ERG: variants seen among roughly 807,000 people sequenced by gnomAD.
ERG encodes ETS transcription factor ERG.
Under a neutral mutation model 55.3 loss-of-function variants are expected in ERG, and 9 were observed. The observed-to-expected ratio is 0.16, with a 90% CI of 0.10 to 0.28. The LOEUF (loss-of-function observed/expected upper bound fraction) is 0.28. Ranked by LOEUF, ERG falls within the 10% of genes least tolerant of loss-of-function variation. The probability of loss-of-function intolerance (pLI) is 1.00; values close to 1 mark genes in which losing one functional copy is unlikely to be tolerated. For synonymous variants in ERG, 223 were observed against 237.3 expected (o/e 0.94, Z 0.55); for missense variants, 434 against 631.6 (o/e 0.69, Z 3.35).
At chr21:38,586,964 A>G (rs1365442244), upstream of ERG, among the ~76,000 whole-genome samples, 4 of 152,252 alleles carry the variant, frequency 2.6e-5, no homozygotes, top group African/African-American at 9.6e-5. Context: ...AGCATTTAGA[A>G]GAGAAATCCT....
chr21:38,438,857 C>A (rs996312801), intron 2 of ERG, among the ~76,000 whole-genome samples: 1 of 152,296 alleles, frequency 6.6e-6, no homozygotes, highest in East Asian at 1.9e-4. Context: ...TACCAGGCAT[C>A]GGAATCCCGC....
intron 2 of ERG, among the ~76,000 whole-genome samples, chr21:38,573,734 G>A (rs200931724): frequency 6.6e-5 from 10 of 152,148 alleles, no homozygotes; most frequent in South Asian, 2.1e-4. Flanking sequence ...GGCCGGTGCC[G>A]GTGCAGGTCC....
At chr21:38,593,710 T>C (rs2060114949) in intron 1 of ERG, among the ~76,000 whole-genome samples, 3 of 152,198 alleles carry the variant, frequency 2.0e-5, no homozygotes, top group Admixed American at 1.3e-4. Flanking sequence ...TAATATCATA[T>C]TAGCATCTCA....
intron 2 of ERG, among the ~76,000 whole-genome samples, chr21:38,556,171 T>C (rs1483336832): frequency 6.6e-6 from 1 of 152,138 alleles, no homozygotes; most frequent in African/African-American, 2.4e-5. Context: ...TTTGGGATGA[T>C]AAAAGGGCAG....
In ERG at chr21:38,423,084, AGTGTGTGTGTGT is replaced by A. The variant is rs71184624; in HGVS notation, c.388+314_388+325del. ...TTTCTCTCTGTCTCTCTCCATACGTAGTGTGTGTGTGTGTGTGTGTGTGTGTGTGTGTGTGTG... is the reference window on the plus strand; with the variant it reads ...TTTCTCTCTGTCTCTCTCCATACGTAGTGTGTGTGTGTGTGTGTGTGTGTG... On this transcript the variant is annotated intron_variant, in intron 3 of 9. Coordinates refer to ENST00000288319, the MANE Select transcript of ERG (RefSeq NM_182918.4). Among the ~76,000 whole-genome samples, 818 of 144,444 alleles carry A rather than the reference AGTGTGTGTGTGT, an allele frequency of 5.7e-3. 10 individuals carry two copies. The highest frequency in any genetic ancestry group is 0.019 in the African/African-American group (745 of 39,042). The allele number at this position is 144,444 out of a possible 152,430, so 94.8% of individuals were successfully genotyped here.
At chr21:38,597,678 C>A in intron 1 of ERG, among the ~76,000 whole-genome samples, 1 of 152,138 alleles carries the variant, frequency 6.6e-6, no homozygotes. Context: ...CCAAAGAGGG[C>A]TGACAGCTGA....
chr21:38,375,664 G>A (rs1297390206), downstream of ERG, among the ~76,000 whole-genome samples: 1 of 152,188 alleles, frequency 6.6e-6, no homozygotes, highest in African/African-American at 2.4e-5. Flanking sequence ...ATCACAACCT[G>A]TAAACAGACC....
chr21:38,530,042 G>A (rs756166801), intron 2 of ERG, among the ~76,000 whole-genome samples: 29 of 152,202 alleles, frequency 1.9e-4, no homozygotes, highest in Non-Finnish European at 2.2e-4. Flanking sequence ...CAGAAGACAC[G>A]AGGACTTTTG....
chr21:38,382,910 G>T lies in ERG; in HGVS notation c.*493C>A. The T allele has an allele frequency of 1.9e-6, 2 of 1,066,606 alleles. No homozygotes were observed. The highest frequency in any genetic ancestry group is 9.1e-5 in the South Asian group (2 of 21,980). The allele number at this position is 1,066,606 out of a possible 1,614,324, so 66.1% of individuals were successfully genotyped here. A position where few individuals can be genotyped will look rare whatever the true frequency, so the allele number is the denominator to read the frequency against. On this transcript the variant is annotated 3_prime_UTR_variant, in exon 10 of 10. Transcript: ENST00000288319. Reference sequence around the variant, plus strand: ...GTTGCATATCAACGTCTGTTGATGGGCCACAGTCTCTCTCGTGTCTTTTCT... The same window carrying T: ...GTTGCATATCAACGTCTGTTGATGGTCCACAGTCTCTCTCGTGTCTTTTCT...
intron 3 of ERG, among the ~76,000 whole-genome samples, chr21:38,421,344 G>C (rs550873270): frequency 5.0e-4 from 76 of 152,274 alleles, no homozygotes; most frequent in African/African-American, 1.7e-3. Flanking sequence ...CAACCCCAAA[G>C]GATGGTCCCT....
chr21:38,594,242 A>C (rs761251522), intron 1 of ERG, among the ~76,000 whole-genome samples: 1 of 152,182 alleles, frequency 6.6e-6, no homozygotes, highest in African/African-American at 2.4e-5. Context: ...AGATCACCTC[A>C]TTTGTACTGG....
At chr21:38,610,526 C>CGCGTGTGTGT (rs924177456) in intron 1 of ERG, among the ~76,000 whole-genome samples, 17 of 150,384 alleles carry the variant, frequency 1.1e-4, no homozygotes, top group African/African-American at 3.4e-4. Context: ...CGCGCACGCG[C>CGCGTGTGTGT]GTGTGTGTGT....
intron 1 of ERG, among the ~76,000 whole-genome samples, chr21:38,601,983 G>A (rs2060167087): frequency 6.6e-6 from 1 of 151,982 alleles, no homozygotes; most frequent in Non-Finnish European, 1.5e-5. Context: ...CCAGATTCAA[G>A]CAATCCTTAA....
At position 38,448,130 on chromosome 21, in the gene ERG, T is replaced by C. The variant is rs184037761; in HGVS notation, c.19-2509A>G. Among the ~76,000 whole-genome samples, 3 of 152,244 alleles carry C rather than the reference T, an allele frequency of 2.0e-5. No homozygotes were observed. The East Asian group carries it at 5.8e-4, about 29-fold the overall frequency. The stretch of plus-strand genomic sequence containing the variant: ...TATTAGAACTAAAATGAAGCTTAAG[T>C]GTGTGTTTGTAGGGGAAGGAATCCA... On this transcript the variant is annotated intron_variant, in intron 1 of 9. Transcript: ENST00000288319.
chr21:38,576,736 G>T (rs1002220611), intron 1 of ERG, among the ~76,000 whole-genome samples: 1 of 152,064 alleles, frequency 6.6e-6, no homozygotes, highest in African/African-American at 2.4e-5. Flanking sequence ...GTTGGTTGAC[G>T]TGGCCCCCTC....
chr21:38,516,966 C>G (rs1219996449), intron 2 of ERG, among the ~76,000 whole-genome samples: 1 of 152,002 alleles, frequency 6.6e-6, no homozygotes, highest in Admixed American at 6.6e-5. Flanking sequence ...AAAATCAACT[C>G]AAGGTAGATG....
At chr21:38,660,334 C>T (rs1426016857) in intron 1 of ERG, among the ~76,000 whole-genome samples, 4 of 152,330 alleles carry the variant, frequency 2.6e-5, no homozygotes, top group Admixed American at 2.0e-4. Context: ...CCCGACTGCA[C>T]GCGCCTCCCT....
intron 1 of ERG, among the ~76,000 whole-genome samples, chr21:38,581,921 T>C (rs1348843200): frequency 6.6e-6 from 1 of 151,794 alleles, no homozygotes; most frequent in Admixed American, 6.6e-5. Flanking sequence ...TGGACGCCTG[T>C]AGTCCCAGCT....
chr21:38,490,068 C>T (rs1249678102), intron 1 of ERG, among the ~76,000 whole-genome samples: 1 of 152,226 alleles, frequency 6.6e-6, no homozygotes, highest in Non-Finnish European at 1.5e-5. Context: ...CACCAGCAAG[C>T]ATTTCCCAGC....
Sources: allele counts gnomAD v4.1 joint callset (sites outside exome capture counted in the v4.1 genomes callset), GRCh38; gene constraint gnomAD v4.1.1; transcripts MANE v1.5; gene names NCBI Gene and HGNC (gene_info 2026-07-23, HGNC 2026-07-21).